PDE7B: variants seen among roughly 807,000 people sequenced by gnomAD.
PDE7B encodes the protein phosphodiesterase 7B, also known as 3',5'-cyclic-AMP phosphodiesterase 7B.
Under a neutral mutation model 56.2 loss-of-function variants are expected in PDE7B, and 29 were observed. The observed-to-expected ratio is 0.52, with a 90% confidence interval of 0.38 to 0.70. The LOEUF (loss-of-function observed/expected upper bound fraction) is 0.70. PDE7B is among the 30% of genes least tolerant of loss of function. The pLI is 0.00. For missense variants in PDE7B, 490 were observed against 565.0 expected (o/e 0.87, Z 1.35); for synonymous variants, 197 against 196.9 (o/e 1.00, Z 0.00).
In PDE7B at chr6:136,171,553, C is replaced by T. The variant is rs144173578; in HGVS notation, c.712-2244C>T. Among the ~76,000 whole-genome samples the T allele has an allele frequency of 1.7e-4, 26 of 152,156 alleles. No homozygotes were observed. In the East Asian group the frequency reaches 4.8e-3, roughly 28 times the overall value. ...GACCAGAGATTGTGAGGCTTGCCTC[C>T]ATTCAGTTTGCTAGTATAATCTTGG... On this transcript the variant is annotated intron_variant, in intron 8 of 12. Coordinates refer to ENST00000308191, the MANE Select transcript of PDE7B (RefSeq NM_018945.4).
chr6:135,869,624 A>C (rs890767348), intron 1 of PDE7B, among the ~76,000 whole-genome samples: 1 of 152,206 alleles, frequency 6.6e-6, no homozygotes, highest in African/African-American at 2.4e-5. Context: ...AGTAGTTGTG[A>C]CAGTTAATTT....
At chr6:136,158,832 T>C (rs951799027) in intron 8 of PDE7B, among the ~76,000 whole-genome samples, 6 of 152,222 alleles carry the variant, frequency 3.9e-5, no homozygotes, top group African/African-American at 7.2e-5. Context: ...GAATTTACTT[T>C]CTGTTCCTTC....
At chr6:135,901,867 G>A (rs552645741) in intron 1 of PDE7B, among the ~76,000 whole-genome samples, 12 of 152,214 alleles carry the variant, frequency 7.9e-5, no homozygotes, top group African/African-American at 2.9e-4. Flanking sequence ...TACACATCCC[G>A]TTGTCCTGAG....
chr6:136,180,042 C>CA (rs1779038332), intron 10 of PDE7B, among the ~76,000 whole-genome samples: 2 of 151,960 alleles, frequency 1.3e-5, no homozygotes, highest in African/African-American at 4.8e-5. Context: ...TCTTTTGGTG[C>CA]AAAAAAACAT....
At chr6:136,037,614 G>GT (rs1180821421) in intron 2 of PDE7B, 36 of 985,302 alleles carry the variant, frequency 3.7e-5, no homozygotes, top group East Asian at 1.1e-4. Flanking sequence ...AGCTTCCTCT[G>GT]TTTTTTTGAG....
At chr6:135,997,084 T>TG (rs1554272433) in intron 2 of PDE7B, among the ~76,000 whole-genome samples, 1 of 152,052 alleles carries the variant, frequency 6.6e-6, no homozygotes, top group African/African-American at 2.4e-5. Context: ...TCTCGGTTTT[T>TG]TTGTTGTTGT....
At chr6:136,169,337 G>A (rs961242463) in intron 8 of PDE7B, among the ~76,000 whole-genome samples, 1 of 152,134 alleles carries the variant, frequency 6.6e-6, no homozygotes, top group African/African-American at 2.4e-5. Context: ...GGCTGTGTTT[G>A]CAATCATCTA....
At chr6:136,066,366 A>T (rs1776936977) in intron 2 of PDE7B, among the ~76,000 whole-genome samples, 1 of 152,210 alleles carries the variant, frequency 6.6e-6, no homozygotes, top group Non-Finnish European at 1.5e-5. Context: ...GAGAGGTGGG[A>T]TGACTCCGAA....
chr6:136,112,852 T>A (rs1486485396), intron 3 of PDE7B, among the ~76,000 whole-genome samples: 1 of 152,140 alleles, frequency 6.6e-6, no homozygotes, highest in African/African-American at 2.4e-5. Flanking sequence ...TACTACCAAT[T>A]TCATGTACCT....
intron 2 of PDE7B, among the ~76,000 whole-genome samples, chr6:136,020,237 C>T (rs1032755851): frequency 1.3e-5 from 2 of 152,102 alleles, no homozygotes; most frequent in East Asian, 1.9e-4. Flanking sequence ...TTCTCGTGGA[C>T]GAGGGAGACA....
intron 3 of PDE7B, among the ~76,000 whole-genome samples, chr6:136,113,596 A>T (rs993215694): frequency 6.6e-6 from 1 of 152,102 alleles, no homozygotes; most frequent in African/African-American, 2.4e-5. Context: ...AAGGGGGAAA[A>T]TTGTTTTTAT....
chr6:135,982,764 A>G (rs896218810), intron 2 of PDE7B, among the ~76,000 whole-genome samples: 1 of 151,808 alleles, frequency 6.6e-6, no homozygotes, highest in African/African-American at 2.4e-5. Context: ...TCATGAAGCC[A>G]TTTTTTTTCT....
chr6:136,099,604 T>G (rs1299397473), intron 2 of PDE7B, among the ~76,000 whole-genome samples: 1 of 152,162 alleles, frequency 6.6e-6, no homozygotes, highest in East Asian at 1.9e-4. Context: ...ATATCCTTTG[T>G]CCACTTTTTG....
chr6:136,107,704 C>T (rs369100237), intron 2 of PDE7B, among the ~76,000 whole-genome samples: 10 of 152,120 alleles, frequency 6.6e-5, no homozygotes, highest in African/African-American at 1.9e-4. Context: ...AAGTAGCAAG[C>T]GTCTGGGCCA....
intron 2 of PDE7B, among the ~76,000 whole-genome samples, chr6:136,107,188 C>T (rs1777660045): frequency 6.6e-6 from 1 of 152,082 alleles, no homozygotes; most frequent in Non-Finnish European, 1.5e-5. Context: ...TCACCCAGGC[C>T]CTGAGTTCCT....
intron 2 of PDE7B, among the ~76,000 whole-genome samples, chr6:136,061,369 T>G (rs953062746): frequency 2.6e-5 from 4 of 152,192 alleles, no homozygotes; most frequent in African/African-American, 7.2e-5. Flanking sequence ...TAAAATTAAA[T>G]ATAGATTTGA....
chr6:136,054,172 G>A (rs1255741221), intron 2 of PDE7B, among the ~76,000 whole-genome samples: 1 of 152,152 alleles, frequency 6.6e-6, no homozygotes, highest in East Asian at 1.9e-4. Flanking sequence ...TTCTTCTAGG[G>A]TTTTTATGGT....
At chr6:135,884,016 G>A (rs2128189168) in intron 1 of PDE7B, among the ~76,000 whole-genome samples, 1 of 152,242 alleles carries the variant, frequency 6.6e-6, no homozygotes, top group East Asian at 1.9e-4. Flanking sequence ...CACTGAATAT[G>A]ACTATATTTT....
At chr6:136,024,236 A>T (rs1776114781) in intron 2 of PDE7B, among the ~76,000 whole-genome samples, 1 of 152,226 alleles carries the variant, frequency 6.6e-6, no homozygotes, top group Non-Finnish European at 1.5e-5. Flanking sequence ...AATTTTGCAG[A>T]TGAACTGAAA....
Sources: gnomAD v4.1 joint callset for allele counts (sites outside exome capture counted in the v4.1 genomes callset) on GRCh38, gnomAD v4.1.1 for gene constraint, MANE v1.5 for transcripts, NCBI Gene and HGNC (gene_info 2026-07-23, HGNC 2026-07-21) for gene names.